CTNNA3: variants seen among roughly 807,000 people sequenced by gnomAD.
CTNNA3 encodes catenin alpha 3, also known as catenin alpha-3.
Under a neutral mutation model 95.7 loss-of-function variants are expected in CTNNA3, and 76 were observed. That is an observed-to-expected ratio of 0.79 (90% CI 0.66 to 0.96). The LOEUF is 0.96. CTNNA3 is among the 40% of genes least tolerant of loss of function. The pLI is 0.00. For missense variants in CTNNA3, 1,191 were observed against 1,089.8 expected, an observed-to-expected ratio of 1.09 and a Z score of -1.31; for synonymous variants, 431 against 374.4, an observed-to-expected ratio of 1.15 and a Z score of -1.74.
chr10:66,960,746 A>G (rs1247082561), intron 7 of CTNNA3, among the ~76,000 whole-genome samples: 3 of 152,172 alleles, frequency 2.0e-5, no homozygotes, highest in Non-Finnish European at 4.4e-5. Context: ...ACAGAACAGA[A>G]TGGCATAGGA....
chr10:66,607,472 CAAA>C (rs574854850), intron 10 of CTNNA3, among the ~76,000 whole-genome samples: 47 of 45,288 alleles, frequency 1.0e-3, no homozygotes, highest in African/African-American at 4.2e-3. Context: ...CAGAGACAAC[CAAA>C]AAAAAAAAAA....
intron 1 of CTNNA3, among the ~76,000 whole-genome samples, chr10:67,667,043 A>G (rs1464264877): frequency 6.6e-6 from 1 of 152,214 alleles, no homozygotes; most frequent in African/African-American, 2.4e-5. Flanking sequence ...TGAAGAAAAC[A>G]GAACTAAATT....
At chr10:67,228,425 C>T (rs537268185) in intron 5 of CTNNA3, among the ~76,000 whole-genome samples, 2 of 152,110 alleles carry the variant, frequency 1.3e-5, no homozygotes, top group East Asian at 3.9e-4. Context: ...CCAGTTTGGC[C>T]AACATGGTAA....
intron 11 of CTNNA3, among the ~76,000 whole-genome samples, chr10:66,407,413 T>C (rs1201890668): frequency 6.6e-6 from 1 of 152,014 alleles, no homozygotes; most frequent in Non-Finnish European, 1.5e-5. Context: ...GAGAAATATC[T>C]AGCACCGATG....
chr10:66,254,562 A>G (rs1044930680), intron 13 of CTNNA3, among the ~76,000 whole-genome samples: 1 of 152,066 alleles, frequency 6.6e-6, no homozygotes, highest in African/African-American at 2.4e-5. Context: ...CATGCTTTCT[A>G]TCTAATAAAA....
intron 5 of CTNNA3, among the ~76,000 whole-genome samples, chr10:67,366,254 T>C (rs1191325921): frequency 2.0e-5 from 3 of 152,152 alleles, no homozygotes; most frequent in Admixed American, 2.0e-4. Flanking sequence ...AAATGCCTAA[T>C]GTAAATGACA....
At chr10:67,599,115 A>G (rs1325174535) in intron 3 of CTNNA3, among the ~76,000 whole-genome samples, 3 of 152,210 alleles carry the variant, frequency 2.0e-5, no homozygotes, top group Non-Finnish European at 4.4e-5. Context: ...ATAAAAGACT[A>G]TGTCCCAGGA....
At chr10:66,712,443 A>C (rs1232649674) in intron 9 of CTNNA3, among the ~76,000 whole-genome samples, 1 of 152,170 alleles carries the variant, frequency 6.6e-6, no homozygotes, top group Non-Finnish European at 1.5e-5. Context: ...TGATATTTCG[A>C]TATTATTCAA....
intron 7 of CTNNA3, among the ~76,000 whole-genome samples, chr10:67,109,440 T>C (rs1858806395): frequency 6.6e-6 from 1 of 152,228 alleles, no homozygotes; most frequent in Non-Finnish European, 1.5e-5. Flanking sequence ...TTTGTGCTTA[T>C]GGCACTTTTT....
intron 10 of CTNNA3, among the ~76,000 whole-genome samples, chr10:66,619,273 G>C (rs1844651146): frequency 6.6e-6 from 1 of 151,450 alleles, no homozygotes; most frequent in South Asian, 2.1e-4. Flanking sequence ...TATGTTTATT[G>C]CAGCACTATT....
chr10:67,489,211 A>C (rs1222404648), intron 5 of CTNNA3, among the ~76,000 whole-genome samples: 1 of 152,170 alleles, frequency 6.6e-6, no homozygotes, highest in Non-Finnish European at 1.5e-5. Context: ...TATGTACCTA[A>C]GATTTAAATT....
At chr10:67,036,332 C>T (rs1854051497) in intron 7 of CTNNA3, among the ~76,000 whole-genome samples, 2 of 151,098 alleles carry the variant, frequency 1.3e-5, no homozygotes, top group Middle Eastern at 3.2e-3. Context: ...TGCAGTGGCG[C>T]GATCTCGGCT....
At chr10:67,220,778 G>A (rs991151879) in intron 5 of CTNNA3, among the ~76,000 whole-genome samples, 7 of 152,032 alleles carry the variant, frequency 4.6e-5, no homozygotes, top group Non-Finnish European at 1.0e-4. Context: ...AAAAAATCTG[G>A]CAAGCCCTAC....
At chr10:67,356,819 G>A (rs1842826979) in intron 5 of CTNNA3, among the ~76,000 whole-genome samples, 1 of 151,920 alleles carries the variant, frequency 6.6e-6, no homozygotes, top group Non-Finnish European at 1.5e-5. Context: ...TAATCAACCT[G>A]GTAAAACTTA....
At chr10:66,391,369 AG>A in intron 11 of CTNNA3, among the ~76,000 whole-genome samples, 1 of 152,284 alleles carries the variant, frequency 6.6e-6, no homozygotes, top group East Asian at 1.9e-4. Flanking sequence ...TGTCTTAAGT[AG>A]GCTCTTGTAA....
intron 13 of CTNNA3, among the ~76,000 whole-genome samples, chr10:66,190,486 G>A (rs2086609909): frequency 1.3e-5 from 2 of 152,100 alleles, no homozygotes; most frequent in Admixed American, 6.6e-5. Context: ...TATGGTCTGA[G>A]TGGACTAGAT....
intron 5 of CTNNA3, among the ~76,000 whole-genome samples, chr10:67,291,671 T>C (rs1365233325): frequency 6.6e-6 from 1 of 152,130 alleles, no homozygotes; most frequent in African/African-American, 2.4e-5. Context: ...CATAAATACC[T>C]AGATTGTTTA....
At chr10:67,727,659 GATATA>G (rs1841246010) in intron 1 of CTNNA3, among the ~76,000 whole-genome samples, 1 of 121,322 alleles carries the variant, frequency 8.2e-6, no homozygotes, top group East Asian at 2.2e-4. Context: ...TATTATATAT[GATATA>G]TAATATAATA....
Position 66,927,526 on chromosome 10 carries a change from A to G in CTNNA3, c.1048-152002T>C, listed in dbSNP as rs770808958. 2 of 1,614,194 alleles carry G rather than the reference A, an allele frequency of 1.2e-6. No homozygotes were observed. Among genetic ancestry groups the G allele is most frequent in the East Asian group, 2.2e-5 (1 of 44,880 alleles). ...TTTAGCCAGGAATGTCTTTGCTGGC[A>G]TGATCAGACTCAAAGAACTTCACCT... On this transcript the variant is annotated intron_variant, in intron 7 of 17. Coordinates refer to ENST00000433211, the MANE Select transcript of CTNNA3 (RefSeq NM_013266.4). The surrounding 1 kb of genome is among the most constrained non-coding windows in gnomAD (Gnocchi z 4.7).
Sources: allele counts gnomAD v4.1 joint callset (sites outside exome capture counted in the v4.1 genomes callset), GRCh38; gene constraint gnomAD v4.1.1; non-coding constraint Gnocchi (gnomAD v3.1); transcripts MANE v1.5; gene names NCBI Gene and HGNC (gene_info 2026-07-23, HGNC 2026-07-21).